The following A3GALT2 variants were observed in gnomAD, a reference collection of about 807,000 sequenced individuals.
The protein encoded by A3GALT2 is alpha 1,3-galactosyltransferase 2, also known as alpha-1,3-galactosyltransferase 2.
A neutral mutation model predicts 16.6 loss-of-function variants in A3GALT2; 14 were observed. The ratio of observed to expected loss-of-function variants is 0.84; its 90% CI spans 0.56 to 1.32. The LOEUF (loss-of-function observed/expected upper bound fraction) is 1.32. Among genes scored for constraint, A3GALT2 ranks in the 40% most tolerant of loss-of-function variants. The probability of loss-of-function intolerance (pLI) is 0.00; values close to 1 mark genes in which losing one functional copy is unlikely to be tolerated. For synonymous variants in A3GALT2, 253 were observed against 218.0 expected (o/e 1.16, Z -1.42); for missense variants, 600 against 490.9 (o/e 1.22, Z -2.10).
In A3GALT2 at chr1:33,312,468, G is replaced by A. The variant is rs369278369; in HGVS notation, c.197+33C>T. The A allele has an allele frequency of 2.0e-4, 301 of 1,531,736 alleles. 4 individuals are homozygous for A. The South Asian group carries it at 3.6e-3, about 18-fold the overall frequency. The allele number at this position is 1,531,736 out of a possible 1,614,324, so 94.9% of individuals were successfully genotyped here. On this transcript the variant is annotated intron_variant, in intron 3 of 4. Coordinates refer to ENST00000442999, the MANE Select transcript of A3GALT2 (RefSeq NM_001080438.1). ...GCAGAGCTGTGTAGGGTTTGGGGGT[G>A]CCCTTGGAGTAGGAGGGATGGGAGC...
Position 33,307,225 on chromosome 1 carries a change from C to A in A3GALT2, c.564G>T (p.Pro188=), listed in dbSNP as rs772625352. ...AGAACATGAAGTGCGCCTCGCGGCC[C>A]GGCAGCCCGCCCAGCGCCGCGTGCA... ...RTLHAALGGL[P]GREAHFMFCM... is the part of the protein sequence containing the mutation. The change falls in exon 5 of 5, where the codon CCG becomes CCT. Residue 188 remains proline (P), a synonymous_variant. Transcript: ENST00000442999. 1.4e-5 allele frequency: 21 copies of A among 1,497,000 alleles called. No homozygotes were observed. The South Asian group carries it at 2.5e-4, about 18-fold the overall frequency. 92.7% of individuals were successfully genotyped at this position (1,497,000 alleles called of 1,614,324 possible). A position where few individuals can be genotyped will look rare whatever the true frequency, so the allele number is the denominator to read the frequency against.
chr1:33,318,922 GTTAT>G (rs1646272874), intron 1 of A3GALT2, among the ~76,000 whole-genome samples: 2 of 152,196 alleles, frequency 1.3e-5, no homozygotes, highest in African/African-American at 2.4e-5. Context: ...CAACGAATGA[GTTAT>G]TTGTGTTCAT....
chr1:33,307,290 G>T lies in A3GALT2; in HGVS notation c.499C>A (p.Arg167=). 2 of 1,448,620 alleles carry T rather than the reference G, an allele frequency of 1.4e-6. No homozygotes were observed. The highest frequency in any genetic ancestry group is 1.4e-5 in the South Asian group (1 of 70,342). The allele number at this position is 1,448,620 out of a possible 1,614,324, so 89.7% of individuals were successfully genotyped here. Reference sequence around the variant, plus strand: ...GCCATCGACACGTCTTGCCAGCGCCGCTCGCGCGCCACGCGCTCCACGGGC... The same window carrying T: ...GCCATCGACACGTCTTGCCAGCGCCTCTCGCGCGCCACGCGCTCCACGGGC... ...RLPVERVARE[R]RWQDVSMARM... Residue 167 remains arginine, a synonymous_variant, in exon 5 of 5, where the codon CGG becomes AGG. Transcript: ENST00000442999.
chr1:33,308,342 G>A lies in A3GALT2; in HGVS notation c.336-889C>T, dbSNP rs1452842366. 2.6e-5 allele frequency among the ~76,000 whole-genome samples: 4 copies of A among 151,928 alleles called. No individual in the cohort carries two copies. In the East Asian group the frequency reaches 5.9e-4, roughly 22 times the overall value. ...CAGCAGTTGGTCTCCCAGCTGAGACGCAGACATTTGAGAGCATGAGAAGAG... is the reference window on the plus strand; with the variant it reads ...CAGCAGTTGGTCTCCCAGCTGAGACACAGACATTTGAGAGCATGAGAAGAG... On this transcript the variant is annotated intron_variant, in intron 4 of 4. Transcript: ENST00000442999.
intron 4 of A3GALT2, among the ~76,000 whole-genome samples, chr1:33,309,895 A>G (rs1441392733): frequency 6.6e-6 from 1 of 151,926 alleles, no homozygotes; most frequent in Admixed American, 6.5e-5. Context: ...CACTTCCCAG[A>G]TGGGGAGGCG....
intron 1 of A3GALT2, among the ~76,000 whole-genome samples, chr1:33,317,981 C>T (rs1046420711): frequency 6.6e-6 from 1 of 152,122 alleles, no homozygotes; most frequent in African/African-American, 2.4e-5. Context: ...ATCAACATGG[C>T]TATTGAAAAG....
At position 33,307,252 on chromosome 1, in the gene A3GALT2, C is replaced by A; in HGVS notation, c.537G>T (p.Thr179=). Residue 179 remains threonine (T), a synonymous_variant, in exon 5 of 5, where the codon ACG becomes ACT. Transcript: ENST00000442999. ...GCAGCCCGCCCAGCGCCGCGTGCAA[C>A]GTGCGCATGCGCGCCATCGACACGT... ...WQDVSMARMR[T]LHAALGGLPG... is the part of the protein sequence containing the mutation. 6.8e-7 allele frequency: 1 copy of A among 1,467,438 alleles called. No individual in the cohort carries two copies. Among genetic ancestry groups the A allele is most frequent in the Middle Eastern group, 1.8e-4 (1 of 5,714 alleles). 90.9% of individuals were successfully genotyped at this position (1,467,438 alleles called of 1,614,324 possible).
intron 4 of A3GALT2, among the ~76,000 whole-genome samples, chr1:33,309,674 G>A (rs1404405768): frequency 4.0e-5 from 6 of 151,504 alleles, no homozygotes; most frequent in Non-Finnish European, 8.8e-5. Context: ...GGGGGTCACG[G>A]CCAGGCAGAG....
chr1:33,306,783 G>T lies in A3GALT2; in HGVS notation c.1006C>A (p.Arg336=). ...CGGCGGCGCTAGTTCCGCAGCAGCC[G>T]GTACCCCTTGGGCGCCCACAGCAGT... ...PRLLWAPKGY[R]LLRN is the part of the protein sequence containing the mutation. Residue 336 remains arginine, a synonymous_variant, in exon 5 of 5, where the codon CGG becomes AGG. Coordinates refer to ENST00000442999, the MANE Select transcript of A3GALT2 (RefSeq NM_001080438.1). 3.5e-6 allele frequency: 5 copies of T among 1,411,920 alleles called. No homozygotes were observed. Among genetic ancestry groups the T allele is most frequent in the Non-Finnish European group, 4.6e-6 (5 of 1,091,996 alleles). The allele number at this position is 1,411,920 out of a possible 1,614,324, so 87.5% of individuals were successfully genotyped here. A position where few individuals can be genotyped will look rare whatever the true frequency, so the allele number is the denominator to read the frequency against.
Position 33,321,013 on chromosome 1 carries a change from G to A in A3GALT2, c.23+63C>T, listed in dbSNP as rs906266859. ...TTGGTACTGTTTTAGCCATCAGACT[G>A]GATCCCTCTTAGCTCAGCTGTCCCC... On this transcript the variant is annotated intron_variant, in intron 1 of 4. Coordinates refer to ENST00000442999, the MANE Select transcript of A3GALT2 (RefSeq NM_001080438.1). The A allele has an allele frequency of 6.9e-6, 11 of 1,600,372 alleles. No homozygotes were observed. The African/African-American group carries it at 1.5e-4, about 21-fold the overall frequency.
intron 1 of A3GALT2, chr1:33,314,172 C>T (rs747150248): frequency 6.7e-6 from 1 of 150,130 alleles, no homozygotes; most frequent in Non-Finnish European, 1.5e-5. Context: ...AAGTGATTCT[C>T]GTGACTCAGC....
At chr1:33,309,981 G>C (rs767390178) in intron 4 of A3GALT2, among the ~76,000 whole-genome samples, 1 of 152,272 alleles carries the variant, frequency 6.6e-6, no homozygotes, top group Non-Finnish European at 1.5e-5. Flanking sequence ...GTAGCGAACT[G>C]AGATCACGCC....
intron 4 of A3GALT2, among the ~76,000 whole-genome samples, 168 bp downstream of exon 4, chr1:33,311,884 A>T (rs1391147866): frequency 6.6e-6 from 1 of 152,164 alleles, no homozygotes; most frequent in Non-Finnish European, 1.5e-5. Context: ...GAGGAGAAGG[A>T]TGGTCCTGTG....
chr1:33,316,498 T>C (rs1646262934), intron 1 of A3GALT2, among the ~76,000 whole-genome samples: 1 of 152,136 alleles, frequency 6.6e-6, no homozygotes, highest in African/African-American at 2.4e-5. Context: ...CTGAAAGTAC[T>C]CCAGCTGAAA....
Position 33,306,847 on chromosome 1 carries a change from G to C in A3GALT2, c.942C>G (p.Ser314Arg). 3 of 1,507,900 alleles carry C rather than the reference G, an allele frequency of 2.0e-6. 1 individual carries two copies. The highest frequency in any genetic ancestry group is 2.5e-5 in the South Asian group (2 of 80,658). 93.4% of individuals were successfully genotyped at this position (1,507,900 alleles called of 1,614,324 possible). ...TCTCGGCCCGCGGGCCGATGTCCGG[G>C]CTCCAGCAGAACTCGGGCGACAGCA... ...AKVLSPEFCW[S>R]PDIGPRAEIR... Residue 314 changes from serine (S) to arginine (R), a missense_variant, in exon 5 of 5, where the codon AGC (serine) becomes AGG (arginine). Ser to Arg is a moderately radical substitution (Grantham distance 110). Transcript: ENST00000442999.
At chr1:33,314,358 C>G (rs942867445) in intron 1 of A3GALT2, 1 of 152,508 alleles carries the variant, frequency 6.6e-6, no homozygotes, top group South Asian at 2.1e-4. Context: ...CCACCGTGTC[C>G]GGCCTACAAA....
chr1:33,307,591 A>T, intron 4 of A3GALT2, 138 bp from the exon 5 acceptor site: 1 of 248,540 alleles, frequency 4.0e-6, no homozygotes, highest in Non-Finnish European at 5.9e-6. Flanking sequence ...CCCCACCCTC[A>T]CCCCCACCTC....
At chr1:33,309,698 C>A (rs1164498522) in intron 4 of A3GALT2, among the ~76,000 whole-genome samples, 1 of 151,792 alleles carries the variant, frequency 6.6e-6, no homozygotes, top group Non-Finnish European at 1.5e-5. Context: ...CTCCTCACAT[C>A]CCAGAAAGGG....
chr1:33,313,032 T>G (rs1053075762), intron 1 of A3GALT2, 142 bp from the exon 2 acceptor site: 1 of 697,174 alleles, frequency 1.4e-6, no homozygotes, highest in South Asian at 1.7e-5. Context: ...CAGTTTCTTG[T>G]GCAGGGGCAT....
Sources: allele counts gnomAD v4.1 joint callset (sites outside exome capture counted in the v4.1 genomes callset), GRCh38; gene constraint gnomAD v4.1.1; transcripts MANE v1.5; gene names NCBI Gene and HGNC (gene_info 2026-07-23, HGNC 2026-07-21).